NCAM1: variants seen among roughly 807,000 people sequenced by gnomAD.
NCAM1 encodes antigen recognized by monoclonal antibody 5.1H11.
In NCAM1, 14 loss-of-function variants were observed where a neutral mutation model predicts 109.8. The observed-to-expected ratio is 0.13, with a 90% CI of 0.08 to 0.20. The LOEUF is 0.20. NCAM1 is among the 10% of genes least tolerant of loss of function. NCAM1 has a pLI of 1.00. For synonymous variants in NCAM1, 418 were observed against 442.9 expected, an observed-to-expected ratio of 0.94 and a Z score of 0.70; for missense variants, 774 against 1,109.9, an observed-to-expected ratio of 0.70 and a Z score of 4.30.
intron 1 of NCAM1, among the ~76,000 whole-genome samples, chr11:113,052,860 C>T (rs2135416899): frequency 6.6e-6 from 1 of 152,248 alleles, no homozygotes; most frequent in East Asian, 1.9e-4. Context: ...TACCACCCAC[C>T]CCCCGACAGG....
At chr11:113,161,129 A>T (rs1477514033) in intron 1 of NCAM1, among the ~76,000 whole-genome samples, 2 of 152,202 alleles carry the variant, frequency 1.3e-5, no homozygotes, top group Non-Finnish European at 2.9e-5. Context: ...CCGTTTTAGA[A>T]AAAAATTGAA....
intron 1 of NCAM1, among the ~76,000 whole-genome samples, chr11:113,117,262 T>C (rs1940752952): frequency 1.3e-5 from 2 of 151,968 alleles, no homozygotes; most frequent in Non-Finnish European, 2.9e-5. Context: ...AGTGCTCAGA[T>C]CTAAGTTATT....
At chr11:113,062,945 G>T (rs553775205) in intron 1 of NCAM1, among the ~76,000 whole-genome samples, 64 of 152,216 alleles carry the variant, frequency 4.2e-4, no homozygotes, top group African/African-American at 1.3e-3. Context: ...TCCAGCCTGG[G>T]CAACAGAGTG....
intron 15 of NCAM1, among the ~76,000 whole-genome samples, chr11:113,249,047 C>CA (rs1945583472): frequency 6.6e-6 from 1 of 152,212 alleles, no homozygotes; most frequent in Admixed American, 6.5e-5. Flanking sequence ...AAGCCCCCTG[C>CA]ACCCCTCTGT....
intron 1 of NCAM1, among the ~76,000 whole-genome samples, chr11:112,969,213 G>T (rs1404664160): frequency 6.6e-6 from 1 of 152,064 alleles, no homozygotes. Flanking sequence ...TGTACATGGG[G>T]AACAGTGTGA....
chr11:113,254,371 C>T (rs1555121925), intron 15 of NCAM1, among the ~76,000 whole-genome samples: 1 of 152,228 alleles, frequency 6.6e-6, no homozygotes. Flanking sequence ...ATCCTCCAGA[C>T]ATTGTGCATC....
intron 1 of NCAM1, among the ~76,000 whole-genome samples, chr11:113,063,030 A>T (rs1217250102): frequency 6.6e-6 from 1 of 152,222 alleles, no homozygotes; most frequent in African/African-American, 2.4e-5. Flanking sequence ...AATAGAAGGA[A>T]TAACATTTGC....
chr11:113,204,421 T>G lies in NCAM1; in HGVS notation c.263T>G (p.Ile88Ser), dbSNP rs1205608799. 1 of 1,613,876 alleles carries G rather than the reference T, an allele frequency of 6.2e-7. No homozygotes were observed. The highest frequency in any genetic ancestry group is 8.5e-7 in the Non-Finnish European group (1 of 1,179,866). Residue 88 changes from isoleucine (I) to serine (S), a missense_variant, in exon 3 of 20, where the codon ATC (isoleucine) becomes AGC (serine). This residue lies in a region of NCAM1 where 112 missense variants were observed against 142.0 expected (regional missense o/e 0.79). Transcript: ENST00000316851. ...SSTLTIYNAN[I>S]DDAGIYKCVV... ...ACCCTCACCATCTATAACGCCAACA[T>G]CGACGACGCCGGCATTTACAAGTGT...
At chr11:113,227,480 C>G (rs1944886113) in intron 9 of NCAM1, among the ~76,000 whole-genome samples, 1 of 152,190 alleles carries the variant, frequency 6.6e-6, no homozygotes, top group Admixed American at 6.5e-5. Flanking sequence ...CAGACAGATT[C>G]ACAGCCAAAT....
At chr11:113,114,536 G>C (rs572433930) in intron 1 of NCAM1, among the ~76,000 whole-genome samples, 1 of 152,162 alleles carries the variant, frequency 6.6e-6, no homozygotes, top group Non-Finnish European at 1.5e-5. Context: ...CATTCATTTT[G>C]ATGCCAATTC....
At chr11:113,105,216 T>A (rs375313976) in intron 1 of NCAM1, among the ~76,000 whole-genome samples, 13 of 152,324 alleles carry the variant, frequency 8.5e-5, no homozygotes, top group African/African-American at 3.1e-4. Context: ...GGGACCCCAG[T>A]AGCAGATGGA....
chr11:113,106,192 C>G (rs1384922774), intron 1 of NCAM1, among the ~76,000 whole-genome samples: 2 of 151,684 alleles, frequency 1.3e-5, no homozygotes, highest in Admixed American at 6.6e-5. Context: ...TAAATATTAC[C>G]AGGTCTCATT....
Position 113,105,218 on chromosome 11 carries a change from G to T in NCAM1, c.53-97161G>T, listed in dbSNP as rs556067312. Among the ~76,000 whole-genome samples the T allele has an allele frequency of 1.1e-4, 17 of 152,298 alleles. No homozygotes were observed. The South Asian group carries it at 1.9e-3, about 17-fold the overall frequency. ...TTGGCAGGTCTGTGGGACCCCAGTAGCAGATGGAGGAAGCCCAGAGAGTTC... is the reference window on the plus strand; with the variant it reads ...TTGGCAGGTCTGTGGGACCCCAGTATCAGATGGAGGAAGCCCAGAGAGTTC... On this transcript the variant is annotated intron_variant, in intron 1 of 19. Coordinates refer to ENST00000316851, the MANE Select transcript of NCAM1 (RefSeq NM_181351.5).
chr11:113,155,656 C>T (rs1316240813), intron 1 of NCAM1, among the ~76,000 whole-genome samples: 1 of 152,152 alleles, frequency 6.6e-6, no homozygotes, highest in East Asian at 1.9e-4. Flanking sequence ...CACTAGTGAA[C>T]TGAATCTTCT....
At chr11:113,132,827 T>C (rs1591355055) in intron 1 of NCAM1, 1 of 152,422 alleles carries the variant, frequency 6.6e-6, no homozygotes, top group Admixed American at 6.5e-5. Flanking sequence ...AGGTCTGTCC[T>C]ACCCCTATTG....
intron 9 of NCAM1, chr11:113,231,175 A>G (rs530375301): frequency 6.5e-7 from 1 of 1,533,322 alleles, no homozygotes; most frequent in Admixed American, 2.0e-5. Context: ...TATGTTGGGC[A>G]CTTGGAATGT....
chr11:112,961,535 C>A lies in NCAM1; in HGVS notation c.-78C>A. ...TCTGCCCCTAGGTCTGTCGCTCAGC[C>A]GCCGTCCACACTCGCTGCAGGGGGG... On this transcript the variant is annotated 5_prime_UTR_variant, in exon 1 of 20. Coordinates refer to ENST00000316851, the MANE Select transcript of NCAM1 (RefSeq NM_181351.5). The A allele has an allele frequency of 2.1e-6, 2 of 936,078 alleles. No individual in the cohort carries two copies. The highest frequency in any genetic ancestry group is 3.6e-6 in the Non-Finnish European group (2 of 561,726). 58.0% of individuals were successfully genotyped at this position (936,078 alleles called of 1,614,324 possible). A position where few individuals can be genotyped will look rare whatever the true frequency, so the allele number is the denominator to read the frequency against.
intron 1 of NCAM1, among the ~76,000 whole-genome samples, chr11:113,129,175 A>G (rs1489085435): frequency 6.6e-6 from 1 of 152,136 alleles, no homozygotes; most frequent in Non-Finnish European, 1.5e-5. Flanking sequence ...GGAGAAGTGT[A>G]GGGCCAAGTC....
At chr11:113,219,845 C>T (rs1466230942) in intron 8 of NCAM1, among the ~76,000 whole-genome samples, 2 of 152,220 alleles carry the variant, frequency 1.3e-5, no homozygotes, top group Non-Finnish European at 2.9e-5. Flanking sequence ...TTGGCAAGCA[C>T]ATTTGACGTG....
Sources: gnomAD v4.1 joint callset for allele counts (sites outside exome capture counted in the v4.1 genomes callset) on GRCh38, gnomAD v4.1.1 for gene constraint, gnomAD v4.1.1 regional missense constraint, MANE v1.5 for transcripts, NCBI Gene and HGNC (gene_info 2026-07-23, HGNC 2026-07-21) for gene names.